Variants in SPAG16 observed in about 807,000 individuals in gnomAD.
The protein encoded by SPAG16 is sperm associated antigen 16.
A neutral mutation model predicts 80.4 loss-of-function variants in SPAG16; 86 were observed. The ratio of observed to expected loss-of-function variants is 1.07; its 90% CI spans 0.90 to 1.28. The LOEUF is 1.28. Ranked by LOEUF, SPAG16 falls within the 50% of genes most tolerant of loss-of-function variation. The pLI, the probability that SPAG16 is intolerant of heterozygous loss-of-function variation, is 0.00. For synonymous variants in SPAG16, 294 were observed against 265.9 expected (o/e 1.11, Z -1.03); for missense variants, 870 against 765.3 (o/e 1.14, Z -1.61).
At chr2:214,409,714 T>G (rs879815429) in intron 15 of SPAG16, among the ~76,000 whole-genome samples, 3 of 152,278 alleles carry the variant, frequency 2.0e-5, no homozygotes, top group Non-Finnish European at 4.4e-5. Flanking sequence ...ATAAATAAGT[T>G]TAAAGAAGAA....
intron 3 of SPAG16, among the ~76,000 whole-genome samples, chr2:213,300,313 A>G (rs1450677015): frequency 6.6e-6 from 1 of 151,964 alleles, no homozygotes; most frequent in East Asian, 1.9e-4. Flanking sequence ...AGTAGAATTT[A>G]TGGAATTTCT....
At chr2:213,882,711 T>A (rs563703409) in intron 11 of SPAG16, among the ~76,000 whole-genome samples, 57 of 152,204 alleles carry the variant, frequency 3.7e-4, no homozygotes, top group Non-Finnish European at 7.6e-4. Flanking sequence ...ATCTAGCTAG[T>A]GGTCTATTCA....
At chr2:213,426,754 GGTGTGTGTGTGTGTGT>G (rs148203065) in intron 9 of SPAG16, among the ~76,000 whole-genome samples, 1 of 140,544 alleles carries the variant, frequency 7.1e-6, no homozygotes, top group Non-Finnish European at 1.6e-5. Context: ...GCATAAATCT[GGTGTGTGTGTGTGTGT>G]GTGTGTGTGT....
chr2:213,921,301 A>G (rs547822489), intron 11 of SPAG16, among the ~76,000 whole-genome samples: 33 of 152,268 alleles, frequency 2.2e-4, no homozygotes, highest in African/African-American at 7.9e-4. Context: ...TGTTGGTTTA[A>G]AGTCTGTTTT....
chr2:213,638,611 T>TTGA (rs1316147407), intron 10 of SPAG16, among the ~76,000 whole-genome samples: 3 of 152,218 alleles, frequency 2.0e-5, no homozygotes, highest in Non-Finnish European at 2.9e-5. Context: ...GAGAGAGTAC[T>TTGA]TGATATAATT....
At chr2:213,293,343 G>A (rs1353823953) in intron 1 of SPAG16, among the ~76,000 whole-genome samples, 2 of 152,162 alleles carry the variant, frequency 1.3e-5, no homozygotes, top group East Asian at 3.8e-4. Context: ...CATCCAGTGA[G>A]CCCCACCTCC....
At chr2:213,724,802 G>GAAAA (rs1221361058) in intron 10 of SPAG16, among the ~76,000 whole-genome samples, 2 of 93,812 alleles carry the variant, frequency 2.1e-5, no homozygotes, top group Non-Finnish European at 3.7e-5. Context: ...AAAAAAAAAA[G>GAAAA]AAAAAAGGAT....
rs140459320 is a variant in SPAG16, at chr2:214,313,135, A to T, written c.1721-97005A>T. Among the ~76,000 whole-genome samples the T allele has an allele frequency of 8.9e-3, 1,352 of 152,262 alleles. 20 individuals are homozygous for T. Among genetic ancestry groups the T allele is most frequent in the African/African-American group, 0.03 (1,263 of 41,574 alleles). Reference sequence around the variant, plus strand: ...TAAACAAAATACTTTAAAAAAAAACAGGTAAGTCAAATCAAACATTTACTT... The same window carrying T: ...TAAACAAAATACTTTAAAAAAAAACTGGTAAGTCAAATCAAACATTTACTT... On this transcript the variant is annotated intron_variant, in intron 15 of 15. Transcript: ENST00000331683.
rs929172869 is a variant in SPAG16, at chr2:213,393,682, G to A, written c.942+18563G>A. On this transcript the variant is annotated intron_variant, in intron 9 of 15. Coordinates refer to ENST00000331683, the MANE Select transcript of SPAG16 (RefSeq NM_024532.5). ...TTGGGGATGAGGGTTTTATGAAATA[G>A]TGTCATTTTTTTTTCAAACCAGTTG... Among the ~76,000 whole-genome samples the A allele has an allele frequency of 2.1e-4, 32 of 151,854 alleles. 2 individuals are homozygous for A.
intron 10 of SPAG16, among the ~76,000 whole-genome samples, chr2:213,751,706 T>G (rs2125489456): frequency 6.6e-6 from 1 of 152,304 alleles, no homozygotes; most frequent in Non-Finnish European, 1.5e-5. Context: ...CAGCCAGAGC[T>G]CTTTTGGGCA....
chr2:213,483,900 CTG>C (rs1397005416), intron 9 of SPAG16, among the ~76,000 whole-genome samples: 1 of 152,140 alleles, frequency 6.6e-6, no homozygotes, highest in African/African-American at 2.4e-5. Context: ...ATGCAAAATA[CTG>C]TGCATACTAA....
intron 15 of SPAG16, among the ~76,000 whole-genome samples, chr2:214,225,495 C>T (rs1186713535): frequency 6.6e-6 from 1 of 152,026 alleles, no homozygotes; most frequent in Non-Finnish European, 1.5e-5. Context: ...ACATAAGAAA[C>T]ATGAATATCA....
chr2:214,057,886 G>A (rs970863462), intron 13 of SPAG16, among the ~76,000 whole-genome samples: 5 of 151,708 alleles, frequency 3.3e-5, no homozygotes, highest in Non-Finnish European at 5.9e-5. Context: ...TAAACTTCAT[G>A]AACCAACTTC....
intron 12 of SPAG16, among the ~76,000 whole-genome samples, chr2:213,994,404 A>T (rs2046420291): frequency 1.3e-5 from 2 of 152,190 alleles, no homozygotes; most frequent in African/African-American, 4.8e-5. Flanking sequence ...GAGATAACAG[A>T]TTCTCAAAGG....
chr2:213,972,408 G>A (rs2045117741), intron 12 of SPAG16, among the ~76,000 whole-genome samples: 1 of 152,154 alleles, frequency 6.6e-6, no homozygotes, highest in African/African-American at 2.4e-5. Flanking sequence ...AAAGATGTTG[G>A]TGTAGTTGGC....
intron 12 of SPAG16, among the ~76,000 whole-genome samples, chr2:213,957,091 G>A (rs143105173): frequency 6.6e-6 from 1 of 151,790 alleles, no homozygotes; most frequent in Non-Finnish European, 1.5e-5. Context: ...AGAAGAATGT[G>A]TATGTAGCTG....
intron 15 of SPAG16, among the ~76,000 whole-genome samples, chr2:214,234,401 C>T (rs1688932358): frequency 1.3e-5 from 2 of 152,070 alleles, no homozygotes; most frequent in Admixed American, 1.3e-4. Flanking sequence ...TGGGTGTATA[C>T]CCAGTAATGG....
At chr2:213,819,561 T>C (rs1204320466) in intron 10 of SPAG16, among the ~76,000 whole-genome samples, 2 of 152,134 alleles carry the variant, frequency 1.3e-5, no homozygotes, top group African/African-American at 4.8e-5. Flanking sequence ...TTTTTTTTTT[T>C]CCCAGAAGCG....
intron 13 of SPAG16, among the ~76,000 whole-genome samples, chr2:214,088,561 C>CCAGG (rs747861611): frequency 3.9e-5 from 6 of 152,006 alleles, no homozygotes; most frequent in Non-Finnish European, 7.4e-5. Flanking sequence ...ATATGAAAGG[C>CCAGG]CAGGGCACAA....
Sources: gnomAD v4.1 joint callset for allele counts (sites outside exome capture counted in the v4.1 genomes callset) on GRCh38, gnomAD v4.1.1 for gene constraint, MANE v1.5 for transcripts, NCBI Gene and HGNC (gene_info 2026-07-23, HGNC 2026-07-21) for gene names.